TMEM232: variants seen among roughly 807,000 people sequenced by gnomAD.
TMEM232 encodes transmembrane protein 232.
A neutral mutation model predicts 78.8 loss-of-function variants in TMEM232; 80 were observed. That is an observed-to-expected ratio of 1.01 (90% CI 0.85 to 1.22). The LOEUF is 1.22. Ranked by LOEUF, TMEM232 falls within the 50% of genes most tolerant of loss-of-function variation. TMEM232 has a pLI of 0.00. For missense variants in TMEM232, 881 were observed against 742.2 expected (o/e 1.19, Z -2.17); for synonymous variants, 297 against 254.3 (o/e 1.17, Z -1.60).
At chr5:110,528,222 T>C (rs1019640695) in intron 12 of TMEM232, among the ~76,000 whole-genome samples, 11 of 151,950 alleles carry the variant, frequency 7.2e-5, no homozygotes, top group African/African-American at 2.4e-4. Flanking sequence ...TGTTCAAGAC[T>C]CTAACTTAGA....
intron 1 of TMEM232, among the ~76,000 whole-genome samples, chr5:110,695,359 T>A (rs569316566): frequency 6.6e-6 from 1 of 152,262 alleles, no homozygotes; most frequent in South Asian, 2.1e-4. Flanking sequence ...AGGAAAGATC[T>A]AAAATTGACA....
Position 110,458,363 on chromosome 5 carries a change from A to G in TMEM232, c.1704-33447T>C, listed in dbSNP as rs1761124301. Among the ~76,000 whole-genome samples, 3 of 151,666 alleles carry G rather than the reference A, an allele frequency of 2.0e-5. No individual in the cohort carries two copies. In the South Asian group the frequency reaches 6.2e-4, roughly 31 times the overall value. ...TGAGGAGCTCCTGATCTTTATTTCT[A>G]TGAGGATACTGCTAATTAACAATCT... On this transcript the variant is annotated intron_variant, in intron 12 of 13. Coordinates refer to ENST00000455884, the MANE Select transcript of TMEM232 (RefSeq NM_001039763.4).
At chr5:110,651,508 G>A (rs577402712) in intron 2 of TMEM232, among the ~76,000 whole-genome samples, 8 of 152,002 alleles carry the variant, frequency 5.3e-5, no homozygotes, top group African/African-American at 1.9e-4. Flanking sequence ...AAAGGAAAGA[G>A]GTTAAGAGAT....
chr5:110,544,396 A>G (rs550544204), intron 11 of TMEM232, among the ~76,000 whole-genome samples: 1 of 151,826 alleles, frequency 6.6e-6, no homozygotes, highest in East Asian at 1.9e-4. Context: ...GAAAATGCAT[A>G]AATCAGCCCA....
At chr5:110,546,140 T>C (rs1259620769) in intron 11 of TMEM232, among the ~76,000 whole-genome samples, 1 of 151,846 alleles carries the variant, frequency 6.6e-6, no homozygotes, top group Non-Finnish European at 1.5e-5. Flanking sequence ...TCCTCCAACC[T>C]CCAAGAGGCA....
In TMEM232 at chr5:110,618,420, C is replaced by A. The variant is rs920084595; in HGVS notation, c.902+9G>T. On this transcript the variant is annotated intron_variant, in intron 8 of 13. Coordinates refer to ENST00000455884, the MANE Select transcript of TMEM232 (RefSeq NM_001039763.4). ...ATGAGTTACTTTGGATTTATAGGAT[C>A]ACTCTTACCAGCATTTCTTTTGAAG... 2.4e-5 allele frequency: 37 copies of A among 1,548,258 alleles called. No individual in the cohort carries two copies. The Middle Eastern group carries it at 5.0e-4, about 21-fold the overall frequency.
At chr5:110,406,711 T>C (rs1246960506) in intron 2 of TMEM232, among the ~76,000 whole-genome samples, 1 of 152,206 alleles carries the variant, frequency 6.6e-6, no homozygotes, top group East Asian at 1.9e-4. Context: ...ATTTATGGTG[T>C]ATAATCCACC....
At chr5:110,523,953 TAA>T (rs1305762055) in intron 12 of TMEM232, among the ~76,000 whole-genome samples, 1 of 70,808 alleles carries the variant, frequency 1.4e-5, no homozygotes, top group African/African-American at 6.7e-5. Context: ...AGACTTGGTT[TAA>T]AAAAAAAAAA....
At chr5:110,620,619 CTCTCTCTCTCTCTCT>C (rs1783548339) in intron 7 of TMEM232, among the ~76,000 whole-genome samples, 3 of 128,176 alleles carry the variant, frequency 2.3e-5, no homozygotes, top group Non-Finnish European at 3.2e-5. Flanking sequence ...CTCTCTCTCT[CTCTCTCTCTCTCTCT>C]CTCTCCTCTC....
chr5:110,443,652 G>A lies in TMEM232; in HGVS notation c.1704-18736C>T, dbSNP rs528599488. 9.9e-5 allele frequency among the ~76,000 whole-genome samples: 15 copies of A among 152,282 alleles called. No individual in the cohort carries two copies. In the South Asian group the frequency reaches 2.7e-3, roughly 27 times the overall value. ...CCTTTCCCTCTGCTTTTCTCAAACA[G>A]AAGGAGTCTTTCAGCATAGCCACCA... On this transcript the variant is annotated intron_variant, in intron 12 of 13. Coordinates refer to ENST00000455884, the MANE Select transcript of TMEM232 (RefSeq NM_001039763.4).
chr5:110,479,976 T>C (rs909000015), intron 12 of TMEM232, among the ~76,000 whole-genome samples: 2 of 151,912 alleles, frequency 1.3e-5, no homozygotes, highest in African/African-American at 4.8e-5. Context: ...TTTCATTTTT[T>C]TTCCTCCTGT....
chr5:110,712,093 G>A (rs1351828550), intron 1 of TMEM232, among the ~76,000 whole-genome samples: 6 of 125,442 alleles, frequency 4.8e-5, no homozygotes, highest in Admixed American at 1.8e-4. Context: ...CAGACAGAGC[G>A]AGACTCAATC....
At chr5:110,402,538 A>G (rs1755638550) in intron 2 of TMEM232, among the ~76,000 whole-genome samples, 1 of 152,082 alleles carries the variant, frequency 6.6e-6, no homozygotes, top group African/African-American at 2.4e-5. Flanking sequence ...TAATTTAACC[A>G]AAAGAGAATT....
chr5:110,697,029 G>T (rs558401310), intron 1 of TMEM232, among the ~76,000 whole-genome samples: 28 of 152,136 alleles, frequency 1.8e-4, no homozygotes, highest in Non-Finnish European at 3.7e-4. Flanking sequence ...GAGGCATCAC[G>T]CTACCTGACT....
chr5:110,510,830 T>A (rs1767636648), intron 12 of TMEM232, among the ~76,000 whole-genome samples: 1 of 152,164 alleles, frequency 6.6e-6, no homozygotes, highest in Non-Finnish European at 1.5e-5. Context: ...ATAGGAACAC[T>A]TTTACACTGT....
At chr5:110,524,630 T>G (rs1013850541) in intron 12 of TMEM232, among the ~76,000 whole-genome samples, 1 of 152,126 alleles carries the variant, frequency 6.6e-6, no homozygotes, top group Admixed American at 6.5e-5. Flanking sequence ...TGCTGTTGGG[T>G]CGAAGGAATA....
chr5:110,598,590 G>A (rs1022580500), intron 10 of TMEM232, among the ~76,000 whole-genome samples: 1 of 151,840 alleles, frequency 6.6e-6, no homozygotes, highest in Non-Finnish European at 1.5e-5. Flanking sequence ...TATTCACAAT[G>A]GCAAAGACTT....
At chr5:110,528,158 T>G (rs1440703905) in intron 12 of TMEM232, among the ~76,000 whole-genome samples, 1 of 151,878 alleles carries the variant, frequency 6.6e-6, no homozygotes, top group Non-Finnish European at 1.5e-5. Flanking sequence ...TTTATAGGAG[T>G]TGAAACATAA....
chr5:110,447,857 C>G (rs1012062855), intron 12 of TMEM232, among the ~76,000 whole-genome samples: 1 of 151,710 alleles, frequency 6.6e-6, no homozygotes, highest in Non-Finnish European at 1.5e-5. Flanking sequence ...CTCCAAAGCT[C>G]AGAGGAAATT....
Sources: allele counts gnomAD v4.1 joint callset (sites outside exome capture counted in the v4.1 genomes callset), GRCh38; gene constraint gnomAD v4.1.1; transcripts MANE v1.5; gene names NCBI Gene and HGNC (gene_info 2026-07-23, HGNC 2026-07-21).